CDH18: variants seen among roughly 807,000 people sequenced by gnomAD.
The protein encoded by CDH18 is cadherin-18.
In CDH18, 31 loss-of-function variants were observed where a neutral mutation model predicts 67.9. The ratio of observed to expected loss-of-function variants is 0.46; its 90% CI spans 0.34 to 0.62. CDH18 has a LOEUF of 0.62. CDH18 is among the 20% of genes least tolerant of loss of function. CDH18 has a pLI of 0.01. For missense variants in CDH18, 890 were observed against 975.5 expected (o/e 0.91, Z 1.17); for synonymous variants, 362 against 347.2 (o/e 1.04, Z -0.48).
At chr5:20,215,766 C>T (rs1740718924) in intron 2 of CDH18, among the ~76,000 whole-genome samples, 1 of 151,888 alleles carries the variant, frequency 6.6e-6, no homozygotes. Flanking sequence ...AAATGTGGTA[C>T]ATGTACAACA....
At chr5:19,565,680 T>G (rs1324260215) in intron 8 of CDH18, among the ~76,000 whole-genome samples, 1 of 152,210 alleles carries the variant, frequency 6.6e-6, no homozygotes, top group Non-Finnish European at 1.5e-5. Flanking sequence ...TACACATAAT[T>G]GAAACCAGAC....
intron 11 of CDH18, among the ~76,000 whole-genome samples, chr5:19,496,132 G>A (rs967492640): frequency 5.9e-5 from 9 of 152,188 alleles, no homozygotes; most frequent in African/African-American, 1.7e-4. Context: ...GTGTTGAACA[G>A]TGATTAAAGC....
intron 3 of CDH18, among the ~76,000 whole-genome samples, chr5:19,787,476 G>A (rs1775929505): frequency 6.6e-6 from 1 of 151,812 alleles, no homozygotes; most frequent in South Asian, 2.1e-4. Flanking sequence ...TTTAATGTAT[G>A]AGCAAGTCTT....
At chr5:20,206,355 T>C (rs1190269094) in intron 2 of CDH18, among the ~76,000 whole-genome samples, 1 of 151,858 alleles carries the variant, frequency 6.6e-6, no homozygotes, top group Non-Finnish European at 1.5e-5. Context: ...AGTCTTCTAT[T>C]AAAGAAAATT....
chr5:19,787,588 T>C (rs1775943559), intron 3 of CDH18, among the ~76,000 whole-genome samples: 1 of 152,082 alleles, frequency 6.6e-6, no homozygotes, highest in Non-Finnish European at 1.5e-5. Context: ...GACTAAGCTA[T>C]TGTGACCCAA....
intron 1 of CDH18, among the ~76,000 whole-genome samples, chr5:20,269,765 G>T (rs1745301293): frequency 6.6e-6 from 1 of 151,960 alleles, no homozygotes; most frequent in Non-Finnish European, 1.5e-5. Flanking sequence ...TTAGTTAATG[G>T]GTACAATGCA....
intron 1 of CDH18, among the ~76,000 whole-genome samples, chr5:20,280,178 T>G (rs984988848): frequency 5.3e-5 from 8 of 151,906 alleles, no homozygotes; most frequent in Non-Finnish European, 1.0e-4. Context: ...AAAACTTTAT[T>G]TATTTATTTA....
At chr5:19,843,782 C>T (rs1421396158) in intron 2 of CDH18, among the ~76,000 whole-genome samples, 2 of 152,182 alleles carry the variant, frequency 1.3e-5, no homozygotes, top group African/African-American at 4.8e-5. Flanking sequence ...CCATGGGAGC[C>T]CAACCTTTGC....
intron 2 of CDH18, among the ~76,000 whole-genome samples, chr5:20,040,781 T>C (rs901328232): frequency 2.0e-5 from 3 of 152,108 alleles, no homozygotes; most frequent in African/African-American, 7.2e-5. Flanking sequence ...TTCAAACAAC[T>C]GCTATTCTGC....
intron 3 of CDH18, among the ~76,000 whole-genome samples, chr5:19,799,362 A>G (rs907345952): frequency 3.3e-5 from 5 of 151,952 alleles, no homozygotes; most frequent in South Asian, 4.1e-4. Flanking sequence ...ACAACATAGT[A>G]TCTATAGTTA....
At chr5:19,786,949 G>A (rs558452003) in intron 3 of CDH18, among the ~76,000 whole-genome samples, 29 of 152,112 alleles carry the variant, frequency 1.9e-4, no homozygotes, top group African/African-American at 5.8e-4. Flanking sequence ...CAGACCCTTC[G>A]CTGAAAACTA....
At chr5:20,381,483 G>T (rs11738758) in intron 1 of CDH18, among the ~76,000 whole-genome samples, 47 of 152,140 alleles carry the variant, frequency 3.1e-4, no homozygotes, top group African/African-American at 9.9e-4. Flanking sequence ...GTTGTCTCAA[G>T]GGGTCCCACT....
At chr5:20,190,556 A>G (rs951154424) in intron 2 of CDH18, among the ~76,000 whole-genome samples, 2 of 151,854 alleles carry the variant, frequency 1.3e-5, no homozygotes, top group Non-Finnish European at 2.9e-5. Context: ...CCCACTACCT[A>G]ATTTTTCCAG....
chr5:20,268,852 C>A (rs1430168173), intron 1 of CDH18, among the ~76,000 whole-genome samples: 1 of 152,124 alleles, frequency 6.6e-6, no homozygotes, highest in Non-Finnish European at 1.5e-5. Context: ...GCATAAGCAG[C>A]AACAACACGA....
chr5:19,683,733 T>C (rs1185091191), intron 5 of CDH18, among the ~76,000 whole-genome samples: 1 of 152,136 alleles, frequency 6.6e-6, no homozygotes, highest in Admixed American at 6.6e-5. Flanking sequence ...TCCTCAACTT[T>C]GCACTTGAAA....
intron 1 of CDH18, among the ~76,000 whole-genome samples, chr5:20,502,542 A>T (rs892744019): frequency 6.6e-6 from 1 of 152,176 alleles, no homozygotes; most frequent in Non-Finnish European, 1.5e-5. Context: ...CTTGCTATAA[A>T]CACTTGCTTG....
chr5:19,986,991 C>A (rs1323582972), intron 1 of CDH18, among the ~76,000 whole-genome samples: 1 of 152,150 alleles, frequency 6.6e-6, no homozygotes, highest in Admixed American at 6.5e-5. Flanking sequence ...ATAACAAAAT[C>A]TTCCTCTGAT....
At chr5:19,541,762 C>T (rs1299546139) in intron 9 of CDH18, among the ~76,000 whole-genome samples, 1 of 152,106 alleles carries the variant, frequency 6.6e-6, no homozygotes, top group Admixed American at 6.5e-5. Flanking sequence ...CCCATTGGGT[C>T]CCTCCGATGA....
intron 9 of CDH18, among the ~76,000 whole-genome samples, chr5:19,535,927 G>T (rs917810109): frequency 1.3e-5 from 2 of 152,098 alleles, no homozygotes; most frequent in African/African-American, 2.4e-5. Flanking sequence ...CCAGGTCAAA[G>T]AAATTTTTAC....
Sources: gnomAD v4.1 joint callset for allele counts (sites outside exome capture counted in the v4.1 genomes callset) on GRCh38, gnomAD v4.1.1 for gene constraint, MANE v1.5 for transcripts, NCBI Gene and HGNC (gene_info 2026-07-23, HGNC 2026-07-21) for gene names.